The following KCTD16 variants were observed in gnomAD, a reference collection of about 807,000 sequenced individuals.
The protein encoded by KCTD16 is potassium channel tetramerization domain containing 16.
Under a neutral mutation model 33.2 loss-of-function variants are expected in KCTD16, and 13 were observed. The ratio of observed to expected loss-of-function variants is 0.39; its 90% CI spans 0.25 to 0.62. The LOEUF (loss-of-function observed/expected upper bound fraction) is 0.62. Ranked by LOEUF, KCTD16 falls within the 20% of genes least tolerant of loss-of-function variation. KCTD16 has a pLI of 0.50. For synonymous variants in KCTD16, 197 were observed against 195.3 expected, an observed-to-expected ratio of 1.01 and a Z score of -0.07; for missense variants, 441 against 525.1, an observed-to-expected ratio of 0.84 and a Z score of 1.57.
At chr5:144,438,572 G>C (rs942824702) in intron 3 of KCTD16, among the ~76,000 whole-genome samples, 1 of 152,108 alleles carries the variant, frequency 6.6e-6, no homozygotes, top group African/African-American at 2.4e-5. Flanking sequence ...GCCTAGCTTG[G>C]GTCATGTTCT....
chr5:144,258,703 C>T (rs1294901894), intron 3 of KCTD16, among the ~76,000 whole-genome samples: 3 of 152,186 alleles, frequency 2.0e-5, no homozygotes, highest in African/African-American at 7.2e-5. Flanking sequence ...AAAAATTGCT[C>T]ATTTCTCTTG....
chr5:144,327,888 T>G lies in KCTD16; in HGVS notation c.832+120342T>G, dbSNP rs138444719. ...TGCAGCTTTCCGATGTTATAAACAC[T>G]GCAGTGAAGAATCCCTGGTGAACAT... On this transcript the variant is annotated intron_variant, in intron 3 of 3. Transcript: ENST00000512467. Among the ~76,000 whole-genome samples the G allele has an allele frequency of 3.9e-3, 587 of 152,286 alleles. 4 individuals are homozygous for G. Among genetic ancestry groups the G allele is most frequent in the Admixed American group, 0.022 (339 of 15,286 alleles).
At chr5:144,355,636 A>G (rs2126911352) in intron 3 of KCTD16, among the ~76,000 whole-genome samples, 1 of 152,144 alleles carries the variant, frequency 6.6e-6, no homozygotes, top group East Asian at 1.9e-4. Context: ...ATCTCCTCCT[A>G]CTTATCATTT....
chr5:144,348,877 C>G (rs1752876094), intron 3 of KCTD16, among the ~76,000 whole-genome samples: 1 of 152,158 alleles, frequency 6.6e-6, no homozygotes, highest in Non-Finnish European at 1.5e-5. Flanking sequence ...CTAATACCTA[C>G]CAGCCCCACT....
At chr5:144,408,233 G>A (rs1267343765) in intron 3 of KCTD16, among the ~76,000 whole-genome samples, 2 of 152,196 alleles carry the variant, frequency 1.3e-5, no homozygotes, top group Admixed American at 6.5e-5. Context: ...TGGGAAAAAA[G>A]CACAAAGCCA....
rs191863774 is a variant in KCTD16, at chr5:144,256,330, A to G, written c.832+48784A>G. ...CTAAAACCAAAGAAATTCTTCCACTACTATAAACACTGTGACTTCAGCCAA... is the reference window on the plus strand; with the variant it reads ...CTAAAACCAAAGAAATTCTTCCACTGCTATAAACACTGTGACTTCAGCCAA... On this transcript the variant is annotated intron_variant, in intron 3 of 3. Coordinates refer to ENST00000512467, the MANE Select transcript of KCTD16 (RefSeq NM_020768.4). Among the ~76,000 whole-genome samples, 364 of 152,306 alleles carry G rather than the reference A, an allele frequency of 2.4e-3. 3 individuals are homozygous for G. The highest frequency in any genetic ancestry group is 6.8e-3 in the Middle Eastern group (2 of 294).
chr5:144,198,248 G>C (rs1752974536), intron 2 of KCTD16, among the ~76,000 whole-genome samples: 1 of 152,106 alleles, frequency 6.6e-6, no homozygotes, highest in Admixed American at 6.6e-5. Flanking sequence ...TTCGCTCTTG[G>C]TTCTGCAATT....
chr5:144,459,119 G>A (rs1754137227), intron 3 of KCTD16, among the ~76,000 whole-genome samples: 2 of 152,190 alleles, frequency 1.3e-5, no homozygotes, highest in Admixed American at 1.3e-4. Flanking sequence ...AGCATCTTCT[G>A]TCAGAAAGTA....
chr5:144,364,218 C>T (rs911491200), intron 3 of KCTD16, among the ~76,000 whole-genome samples: 2 of 152,160 alleles, frequency 1.3e-5, no homozygotes, highest in Non-Finnish European at 2.9e-5. Context: ...GGCGAAGGTA[C>T]GGCTCTGGTG....
At chr5:144,360,923 C>T (rs1185667050) in intron 3 of KCTD16, among the ~76,000 whole-genome samples, 1 of 150,516 alleles carries the variant, frequency 6.6e-6, no homozygotes, top group Non-Finnish European at 1.5e-5. Context: ...TATTATTATA[C>T]TTTAAGTTTT....
intron 3 of KCTD16, among the ~76,000 whole-genome samples, chr5:144,389,273 C>T (rs1302459597): frequency 6.6e-6 from 1 of 152,170 alleles, no homozygotes; most frequent in Admixed American, 6.5e-5. Flanking sequence ...GGCCACACAG[C>T]AGGAGGTGAA....
At position 144,423,106 on chromosome 5, in the gene KCTD16, T is replaced by C. The variant is rs566555644; in HGVS notation, c.833-50554T>C. Among the ~76,000 whole-genome samples the C allele has an allele frequency of 1.8e-3, 276 of 152,202 alleles. 1 individual carries two copies. The highest frequency in any genetic ancestry group is 6.3e-3 in the African/African-American group (261 of 41,530). On this transcript the variant is annotated intron_variant, in intron 3 of 3. Transcript: ENST00000512467. ...CATCAGAGAGAAGTGTAAGTTCAAA[T>C]GACCTGGTGTGAGAATGAGCATGGA...
chr5:144,427,485 C>A (rs952365215), intron 3 of KCTD16, among the ~76,000 whole-genome samples: 1 of 152,086 alleles, frequency 6.6e-6, no homozygotes, highest in African/African-American at 2.4e-5. Context: ...CAAATGGTTT[C>A]TCCTTATATT....
chr5:144,431,755 T>C (rs1753467951), intron 3 of KCTD16, among the ~76,000 whole-genome samples: 1 of 152,190 alleles, frequency 6.6e-6, no homozygotes, highest in Non-Finnish European at 1.5e-5. Context: ...TACTTGTTTT[T>C]ATTCCGACAC....
At chr5:144,435,072 T>C (rs1753545726) in intron 3 of KCTD16, among the ~76,000 whole-genome samples, 1 of 152,180 alleles carries the variant, frequency 6.6e-6, no homozygotes, top group Admixed American at 6.5e-5. Context: ...ATGGTTTTTA[T>C]TGGTTTCTTA....
chr5:144,262,056 A>C (rs1254057708), intron 3 of KCTD16, among the ~76,000 whole-genome samples: 3 of 152,208 alleles, frequency 2.0e-5, no homozygotes, highest in Non-Finnish European at 4.4e-5. Context: ...CTGAGAAAGA[A>C]AGACAATAAA....
chr5:144,467,635 G>T (rs1211732018), intron 3 of KCTD16, among the ~76,000 whole-genome samples: 1 of 152,162 alleles, frequency 6.6e-6, no homozygotes, highest in Non-Finnish European at 1.5e-5. Flanking sequence ...GCTGGCAAAG[G>T]GAAGATCACA....
intron 3 of KCTD16, among the ~76,000 whole-genome samples, chr5:144,332,673 C>G (rs772063159): frequency 1.5e-4 from 23 of 152,240 alleles, no homozygotes; most frequent in Non-Finnish European, 2.8e-4. Flanking sequence ...ATCTAGAGAA[C>G]CAATATGCCC....
intron 3 of KCTD16, among the ~76,000 whole-genome samples, chr5:144,404,021 T>C (rs1752760286): frequency 6.6e-6 from 1 of 152,132 alleles, no homozygotes; most frequent in African/African-American, 2.4e-5. Context: ...AGGCCCTTAT[T>C]TCATGGGATA....
Sources: allele counts gnomAD v4.1 joint callset (sites outside exome capture counted in the v4.1 genomes callset), GRCh38; gene constraint gnomAD v4.1.1; transcripts MANE v1.5; gene names NCBI Gene and HGNC (gene_info 2026-07-23, HGNC 2026-07-21).